SLC39A10: variants seen among roughly 807,000 people sequenced by gnomAD.
The protein encoded by SLC39A10 is zinc transporter ZIP10.
SLC39A10 carries 13 observed loss-of-function variants against 65.1 expected under a neutral mutation model. The observed-to-expected ratio is 0.20, with a 90% CI of 0.13 to 0.32. The LOEUF (loss-of-function observed/expected upper bound fraction) is 0.32, where lower values mean the gene tolerates loss of function less well. Among genes scored for constraint, SLC39A10 ranks in the 10% least tolerant of loss-of-function variants. SLC39A10 has a pLI of 1.00. For missense variants in SLC39A10, 831 were observed against 1,018.4 expected (o/e 0.82, Z 2.50); for synonymous variants, 321 against 342.2 (o/e 0.94, Z 0.68).
intron 4 of SLC39A10, among the ~76,000 whole-genome samples, chr2:195,707,935 T>C (rs988015041): frequency 6.6e-6 from 1 of 152,194 alleles, no homozygotes; most frequent in Non-Finnish European, 1.5e-5. Context: ...TCTATAAGAT[T>C]ACTGTTGTGA....
At chr2:195,626,817 C>T (rs1688483727) in intron 2 of SLC39A10, among the ~76,000 whole-genome samples, 15 of 152,072 alleles carry the variant, frequency 9.9e-5, no homozygotes, top group Admixed American at 9.8e-4. Flanking sequence ...TTTTCCCGAG[C>T]AAATTTCTCC....
rs911546445 is a variant in SLC39A10 at position 195,734,785 on chromosome 2, A to G, written c.2338-98A>G. 20 of 1,160,924 alleles carry G rather than the reference A, an allele frequency of 1.7e-5. No individual in the cohort carries two copies. In the African/African-American group the frequency reaches 2.5e-4, roughly 15 times the overall value. The allele number at this position is 1,160,924 out of a possible 1,614,324, so 71.9% of individuals were successfully genotyped here. On this transcript the variant is annotated intron_variant, in intron 9 of 9. Coordinates refer to ENST00000359634, the MANE Select transcript of SLC39A10 (RefSeq NM_020342.3). The stretch of plus-strand genomic sequence containing the variant: ...AAATAATTATTTTGTCTGTAGTTAC[A>G]CTTCAGTCACTAATTTTCTTAAGTA...
intron 5 of SLC39A10, among the ~76,000 whole-genome samples, chr2:195,712,637 T>C (rs1691641788): frequency 6.6e-6 from 1 of 152,176 alleles, no homozygotes; most frequent in South Asian, 2.1e-4. Flanking sequence ...GAAGCAGAAA[T>C]TTAAGTTGGA....
intron 2 of SLC39A10, among the ~76,000 whole-genome samples, chr2:195,639,766 G>A (rs1001290401): frequency 7.2e-5 from 11 of 151,940 alleles, no homozygotes; most frequent in African/African-American, 2.7e-4. Context: ...TAATACAGAC[G>A]GGTTTCGCCA....
At position 195,669,476 on chromosome 2, in the gene SLC39A10, C is replaced by T. The variant is rs1052193186; in HGVS notation, c.-11-10556C>T. ...GTACATAACATTATTTAGCTAAATA[C>T]ACCTGAGGATTTTTAAAATCTCAAA... is the stretch of plus-strand genomic sequence containing the variant. On this transcript the variant is annotated intron_variant, in intron 1 of 9. Coordinates refer to ENST00000359634, the MANE Select transcript of SLC39A10 (RefSeq NM_020342.3). Among the ~76,000 whole-genome samples the T allele has an allele frequency of 3.9e-5, 6 of 152,152 alleles. No homozygotes were observed. In the East Asian group the frequency reaches 5.8e-4, roughly 15 times the overall value.
At chr2:195,700,921 T>G (rs1691151809) in intron 3 of SLC39A10, among the ~76,000 whole-genome samples, 2 of 152,234 alleles carry the variant, frequency 1.3e-5, no homozygotes, top group South Asian at 4.1e-4. Flanking sequence ...TGGAGTTCAT[T>G]TAGCTTCTTA....
chr2:195,724,587 T>C (rs955450509), intron 8 of SLC39A10, among the ~76,000 whole-genome samples: 2 of 152,128 alleles, frequency 1.3e-5, no homozygotes, highest in Non-Finnish European at 2.9e-5. Context: ...GATCTACTTA[T>C]AATAGCATCA....
intron 2 of SLC39A10, among the ~76,000 whole-genome samples, chr2:195,641,894 G>A (rs1004078193): frequency 2.0e-5 from 3 of 152,096 alleles, no homozygotes; most frequent in African/African-American, 4.8e-5. Flanking sequence ...TTTTCACCAT[G>A]TTGACCAGCC....
At chr2:195,698,625 T>C (rs541795437) in intron 3 of SLC39A10, among the ~76,000 whole-genome samples, 122 of 152,112 alleles carry the variant, frequency 8.0e-4, no homozygotes, top group African/African-American at 2.9e-3. Context: ...TTTTTATATA[T>C]TGAACTTTTA....
intron 8 of SLC39A10, among the ~76,000 whole-genome samples, chr2:195,720,894 TA>T (rs1364561233): frequency 1.3e-5 from 2 of 152,226 alleles, no homozygotes; most frequent in African/African-American, 4.8e-5. Context: ...CTTATGTAAT[TA>T]AAGTCTTCCA....
intron 1 of SLC39A10, among the ~76,000 whole-genome samples, chr2:195,673,087 C>CAA (rs1689933788): frequency 6.6e-6 from 1 of 152,130 alleles, no homozygotes; most frequent in Non-Finnish European, 1.5e-5. Flanking sequence ...GTTTTATAGG[C>CAA]TATTTTAAAA....
Position 195,735,095 on chromosome 2 carries a change from C to A in SLC39A10, c.*54C>A. On this transcript the variant is annotated 3_prime_UTR_variant, in exon 10 of 10. Transcript: ENST00000359634. ...AGAATGTTACCATGCAGCTTTGCAT[C>A]TGTTCCTTGTACTGTATGCACATTG... 1 of 1,560,866 alleles carries A rather than the reference C, an allele frequency of 6.4e-7. No homozygotes were observed. The highest frequency in any genetic ancestry group is 8.7e-7 in the Non-Finnish European group (1 of 1,149,114).
At chr2:195,712,395 AG>A (rs1208134019) in intron 5 of SLC39A10, among the ~76,000 whole-genome samples, 1 of 152,256 alleles carries the variant, frequency 6.6e-6, no homozygotes, top group African/African-American at 2.4e-5. Context: ...TCATACAGGG[AG>A]GAAGGAAATT....
At chr2:195,707,591 CT>C (rs36110330) in intron 4 of SLC39A10, among the ~76,000 whole-genome samples, 69,039 of 145,046 alleles carry the variant, frequency 0.48, 16,677 homozygotes, top group Non-Finnish European at 0.58. Context: ...TATGGCATTG[CT>C]TTTTTTTTTT....
intron 2 of SLC39A10, among the ~76,000 whole-genome samples, chr2:195,640,517 T>G (rs1271062638): frequency 6.6e-6 from 1 of 152,114 alleles, no homozygotes; most frequent in Non-Finnish European, 1.5e-5. Flanking sequence ...CAGGGAGTAA[T>G]GTAAACGTTA....
intron 3 of SLC39A10, among the ~76,000 whole-genome samples, chr2:195,702,444 G>A (rs1233550832): frequency 1.3e-5 from 2 of 152,028 alleles, no homozygotes; most frequent in South Asian, 2.1e-4. Flanking sequence ...TTTTACCATC[G>A]AGCTTTCCCC....
chr2:195,616,293 A>G (rs72929751), intron 2 of SLC39A10, among the ~76,000 whole-genome samples: 24,686 of 139,148 alleles, frequency 0.18, 2,167 homozygotes, highest in Middle Eastern at 0.29. Context: ...TAATATTTCA[A>G]TTTGGATTGA....
intron 1 of SLC39A10, among the ~76,000 whole-genome samples, chr2:195,659,760 AAG>A (rs1689309408): frequency 1.3e-5 from 2 of 152,168 alleles, no homozygotes; most frequent in Admixed American, 1.3e-4. Flanking sequence ...AGATAACCAA[AAG>A]GCTGAAGATG....
intron 1 of SLC39A10, among the ~76,000 whole-genome samples, chr2:195,671,455 A>G (rs1334398790): frequency 1.3e-5 from 2 of 152,218 alleles, no homozygotes; most frequent in Non-Finnish European, 2.9e-5. Flanking sequence ...TCTTCAGTAG[A>G]TGTAACTCAG....
Sources: gnomAD v4.1 joint callset for allele counts (sites outside exome capture counted in the v4.1 genomes callset) on GRCh38, gnomAD v4.1.1 for gene constraint, MANE v1.5 for transcripts, NCBI Gene and HGNC (gene_info 2026-07-23, HGNC 2026-07-21) for gene names.